The following RSRC1 variants were observed in gnomAD, a reference collection of about 807,000 sequenced individuals.
The protein encoded by RSRC1 is arginine and serine rich coiled-coil 1.
In RSRC1, 39 loss-of-function variants were observed where a neutral mutation model predicts 49.1. That is an observed-to-expected ratio of 0.79 (90% confidence interval 0.61 to 1.04). RSRC1 has a LOEUF of 1.04. Among genes scored for constraint, RSRC1 ranks in the 50% least tolerant of loss-of-function variants. The pLI is 0.00. For synonymous variants in RSRC1, 143 were observed against 130.8 expected, an observed-to-expected ratio of 1.09 and a Z score of -0.63; for missense variants, 388 against 402.4, an observed-to-expected ratio of 0.96 and a Z score of 0.31.
At chr3:158,413,371 A>G (rs1043372646) in intron 6 of RSRC1, among the ~76,000 whole-genome samples, 1 of 152,206 alleles carries the variant, frequency 6.6e-6, no homozygotes, top group Admixed American at 6.5e-5. Context: ...TGTAAAACCC[A>G]AAACTATAAA....
intron 7 of RSRC1, among the ~76,000 whole-genome samples, chr3:158,516,323 C>G (rs1474168394): frequency 1.3e-5 from 2 of 151,800 alleles, no homozygotes; most frequent in Non-Finnish European, 1.5e-5. Context: ...ACAGACAGGA[C>G]CCTCAGCTGC....
chr3:158,387,845 TC>T (rs1160106574), intron 6 of RSRC1, among the ~76,000 whole-genome samples: 1 of 152,130 alleles, frequency 6.6e-6, no homozygotes, highest in African/African-American at 2.4e-5. Context: ...GTGAAATGAG[TC>T]TTCTCAATAT....
intron 3 of RSRC1, among the ~76,000 whole-genome samples, chr3:158,183,982 G>GGT (rs1719781304): frequency 6.6e-6 from 1 of 151,926 alleles, no homozygotes; most frequent in Admixed American, 6.6e-5. Context: ...ACTGGGGTGG[G>GGT]GTTTCGCTTT....
chr3:158,495,716 A>C (rs1227056202), intron 7 of RSRC1, among the ~76,000 whole-genome samples: 1 of 152,228 alleles, frequency 6.6e-6, no homozygotes, highest in African/African-American at 2.4e-5. Context: ...AACTAAGACC[A>C]ATCAGCCAAA....
At chr3:158,451,081 A>G (rs1736998849) in intron 6 of RSRC1, among the ~76,000 whole-genome samples, 1 of 151,872 alleles carries the variant, frequency 6.6e-6, no homozygotes, top group Non-Finnish European at 1.5e-5. Context: ...ATAATTATTT[A>G]CTGTGAGGTA....
At chr3:158,343,505 A>T (rs184541269) in intron 5 of RSRC1, among the ~76,000 whole-genome samples, 2 of 152,334 alleles carry the variant, frequency 1.3e-5, no homozygotes, top group Admixed American at 1.3e-4. Context: ...ACTGACCCAG[A>T]ATTGACACAG....
chr3:158,156,215 T>C (rs1198066333), intron 3 of RSRC1, among the ~76,000 whole-genome samples: 1 of 152,224 alleles, frequency 6.6e-6, no homozygotes, highest in African/African-American at 2.4e-5. Flanking sequence ...GTTCTTTTCT[T>C]AAACCTCATG....
chr3:158,281,127 T>C (rs1726136401), intron 4 of RSRC1, among the ~76,000 whole-genome samples: 1 of 152,100 alleles, frequency 6.6e-6, no homozygotes, highest in Non-Finnish European at 1.5e-5. Context: ...TTGTGATTAC[T>C]TAAGAGGTAG....
intron 7 of RSRC1, among the ~76,000 whole-genome samples, chr3:158,511,342 C>T (rs1415879734): frequency 1.3e-5 from 2 of 151,976 alleles, no homozygotes; most frequent in Admixed American, 6.6e-5. Context: ...TCTCATTGTT[C>T]AATTCCCACC....
intron 7 of RSRC1, among the ~76,000 whole-genome samples, chr3:158,505,038 GC>G (rs1739787857): frequency 6.6e-6 from 1 of 152,118 alleles, no homozygotes; most frequent in Non-Finnish European, 1.5e-5. Context: ...GGTAGCTTTG[GC>G]CTTTTATCAG....
intron 6 of RSRC1, among the ~76,000 whole-genome samples, chr3:158,373,454 T>C (rs1231953768): frequency 6.6e-6 from 1 of 151,980 alleles, no homozygotes; most frequent in Non-Finnish European, 1.5e-5. Flanking sequence ...TTTTATTTTG[T>C]CAAATGCCTT....
intron 6 of RSRC1, among the ~76,000 whole-genome samples, chr3:158,437,601 A>G (rs1269609542): frequency 1.3e-5 from 2 of 152,172 alleles, no homozygotes; most frequent in African/African-American, 4.8e-5. Flanking sequence ...GGCCTTCAAT[A>G]AAATTCAACA....
At chr3:158,518,581 T>A (rs1020230450) in intron 7 of RSRC1, among the ~76,000 whole-genome samples, 2 of 152,120 alleles carry the variant, frequency 1.3e-5, no homozygotes, top group African/African-American at 2.4e-5. Context: ...TATATCCATA[T>A]CCTCCATAAT....
intron 7 of RSRC1, among the ~76,000 whole-genome samples, chr3:158,484,576 T>A (rs939669599): frequency 1.3e-5 from 2 of 152,138 alleles, no homozygotes; most frequent in Admixed American, 6.6e-5. Context: ...ATACTAGTTT[T>A]AAATATATGT....
chr3:158,509,179 A>C (rs1011005094), intron 7 of RSRC1, among the ~76,000 whole-genome samples: 4 of 152,110 alleles, frequency 2.6e-5, no homozygotes, highest in African/African-American at 9.7e-5. Flanking sequence ...TTTGTGTAGG[A>C]TGTGAAAGAT....
chr3:158,534,712 T>C (rs1181704208), intron 7 of RSRC1, among the ~76,000 whole-genome samples: 4 of 151,550 alleles, frequency 2.6e-5, no homozygotes, highest in Middle Eastern at 3.2e-3. Flanking sequence ...TAACCATCCA[T>C]AGGCCATTCG....
chr3:158,267,221 A>C (rs1725239962), intron 4 of RSRC1, among the ~76,000 whole-genome samples: 1 of 152,110 alleles, frequency 6.6e-6, no homozygotes, highest in Admixed American at 6.5e-5. Context: ...GTAATCTTAT[A>C]ATTGTTCCAG....
chr3:158,447,739 A>G (rs1294918941), intron 6 of RSRC1, among the ~76,000 whole-genome samples: 1 of 151,960 alleles, frequency 6.6e-6, no homozygotes, highest in Non-Finnish European at 1.5e-5. Flanking sequence ...AAAACACATG[A>G]TATAAATAAA....
At chr3:158,294,585 G>T (rs1727129546) in intron 4 of RSRC1, among the ~76,000 whole-genome samples, 1 of 151,898 alleles carries the variant, frequency 6.6e-6, no homozygotes, top group Admixed American at 6.6e-5. Flanking sequence ...CTAAAAGGAG[G>T]GGTAAAAACC....
Sources: allele counts gnomAD v4.1 joint callset (sites outside exome capture counted in the v4.1 genomes callset), GRCh38; gene constraint gnomAD v4.1.1; transcripts MANE v1.5; gene names NCBI Gene and HGNC (gene_info 2026-07-23, HGNC 2026-07-21).